Variants in ROR2 observed in about 807,000 individuals in gnomAD.
The protein encoded by ROR2 is ROR family WNT receptor 2, also known as tyrosine-protein kinase transmembrane receptor ROR2.
A neutral mutation model predicts 74.9 loss-of-function variants in ROR2; 33 were observed. The ratio of observed to expected loss-of-function variants is 0.44; its 90% CI spans 0.33 to 0.59. ROR2 has a LOEUF of 0.59. Ranked by LOEUF, ROR2 falls within the 20% of genes least tolerant of loss-of-function variation. ROR2 has a pLI of 0.02. For missense variants in ROR2, 1,216 were observed against 1,313.8 expected (o/e 0.93, Z 1.15); for synonymous variants, 586 against 558.7 (o/e 1.05, Z -0.69).
chr9:91,874,728 G>A (rs529606409), intron 1 of ROR2, among the ~76,000 whole-genome samples: 2 of 152,246 alleles, frequency 1.3e-5, no homozygotes, highest in South Asian at 2.1e-4. Flanking sequence ...CTGAGGTCCC[G>A]AGTTTGAGAC....
chr9:91,827,606 G>C (rs1008238982), intron 1 of ROR2, among the ~76,000 whole-genome samples: 2 of 152,148 alleles, frequency 1.3e-5, no homozygotes, highest in African/African-American at 4.8e-5. Context: ...CTGGGTCCAA[G>C]GAGCAGGGGG....
chr9:91,760,566 G>A (rs1416093584), intron 2 of ROR2, among the ~76,000 whole-genome samples: 14 of 151,586 alleles, frequency 9.2e-5, no homozygotes, highest in African/African-American at 1.7e-4. Context: ...CCCGGGAGGC[G>A]GAGCTTGCAG....
At chr9:91,753,305 A>G (rs2118825801) in intron 4 of ROR2, among the ~76,000 whole-genome samples, 1 of 152,364 alleles carries the variant, frequency 6.6e-6, no homozygotes, top group South Asian at 2.1e-4. Context: ...GTGGCAATTG[A>G]CAAAGAGGAG....
chr9:91,948,588 G>A, intron 1 of ROR2: 1 of 985,530 alleles, frequency 1.0e-6, no homozygotes, highest in Non-Finnish European at 1.2e-6. Flanking sequence ...AGACTGTGCA[G>A]CCTTTCTGAC....
chr9:91,945,254 CTT>C (rs1248738909), intron 1 of ROR2, among the ~76,000 whole-genome samples: 1 of 152,144 alleles, frequency 6.6e-6, no homozygotes, highest in Non-Finnish European at 1.5e-5. Context: ...TTAATTTTAA[CTT>C]ATATAGCTGT....
At chr9:91,943,477 T>C (rs1423069712) in intron 1 of ROR2, among the ~76,000 whole-genome samples, 1 of 152,180 alleles carries the variant, frequency 6.6e-6, no homozygotes, top group Non-Finnish European at 1.5e-5. Context: ...CCTTCCCCTA[T>C]TCCATCCTTA....
rs895837943 is a variant in ROR2, at chr9:91,723,391, A to T, written c.*271T>A. 1.4e-5 allele frequency: 7 copies of T among 488,204 alleles called. No homozygotes were observed. The highest frequency in any genetic ancestry group is 2.2e-5 in the Non-Finnish European group (6 of 274,500). 30.2% of individuals were successfully genotyped at this position (488,204 alleles called of 1,614,324 possible). ...TCACTACCAGTCTACCACCAGAATC[A>T]ATGTATACAGCCCTGGGGATGACCA... On this transcript the variant is annotated 3_prime_UTR_variant, in exon 9 of 9. Coordinates refer to ENST00000375708, the MANE Select transcript of ROR2 (RefSeq NM_004560.4).
intron 4 of ROR2, 115 bp downstream of exon 4, chr9:91,755,956 C>A (rs564652282): frequency 2.0e-4 from 225 of 1,142,094 alleles, no homozygotes; most frequent in Middle Eastern, 5.8e-4. Flanking sequence ...TGAAGCCCAG[C>A]CAACTTCTAG....
chr9:91,732,780 C>T (rs866071402), intron 6 of ROR2, among the ~76,000 whole-genome samples: 4 of 152,210 alleles, frequency 2.6e-5, no homozygotes, highest in African/African-American at 9.6e-5. Flanking sequence ...CTCTCATGCC[C>T]GCAACAGCCA....
intron 1 of ROR2, among the ~76,000 whole-genome samples, chr9:91,836,552 A>AC (rs1828617833): frequency 6.6e-6 from 1 of 151,876 alleles, no homozygotes; most frequent in African/African-American, 2.4e-5. Context: ...AAAAAAAAAA[A>AC]AACAGTCTGC....
Position 91,915,930 on chromosome 9 carries a change from C to CTTCA in ROR2, c.97+33933_97+33936dup, listed in dbSNP as rs1429008876. On this transcript the variant is annotated intron_variant, in intron 1 of 8. Transcript: ENST00000375708. ...TCACCCCGCCCAGAAATCCAGCTGGCTTCACCTCTCAAAATGAGGGGCAGG... is the reference window on the plus strand; with the variant it reads ...TCACCCCGCCCAGAAATCCAGCTGGCTTCATTCACCTCTCAAAATGAGGGGCAGG... Among the ~76,000 whole-genome samples, 7 of 152,334 alleles carry CTTCA rather than the reference C, an allele frequency of 4.6e-5. No individual in the cohort carries two copies. In the East Asian group the frequency reaches 1.3e-3, roughly 29 times the overall value.
At chr9:91,887,788 C>CTTTTTTTTTTTTTTTTTTTT (rs771557997) in intron 1 of ROR2, among the ~76,000 whole-genome samples, 1 of 100,686 alleles carries the variant, frequency 9.9e-6, no homozygotes, top group African/African-American at 4.1e-5. Context: ...CTTTTTTTCT[C>CTTTTTTTTTTTTTTTTTTTT]TTTTTTTTTT....
At chr9:91,939,106 CA>C (rs1831779170) in intron 1 of ROR2, among the ~76,000 whole-genome samples, 1 of 152,048 alleles carries the variant, frequency 6.6e-6, no homozygotes, top group East Asian at 1.9e-4. Flanking sequence ...AAAAATTAGC[CA>C]GGGGTGGTGG....
chr9:91,857,627 A>G (rs2119283336), intron 1 of ROR2, among the ~76,000 whole-genome samples: 1 of 152,230 alleles, frequency 6.6e-6, no homozygotes, highest in South Asian at 2.1e-4. Context: ...GCTAGGCAGG[A>G]CCCAGGACGA....
intron 2 of ROR2, 150 bp from the exon 3 acceptor site, chr9:91,757,709 A>G: frequency 1.2e-6 from 1 of 812,652 alleles, no homozygotes; most frequent in South Asian, 1.6e-5. Flanking sequence ...ATTATCTTCT[A>G]GAAAGCTACA....
At chr9:91,792,856 A>G (rs1277970381) in intron 1 of ROR2, among the ~76,000 whole-genome samples, 2 of 152,224 alleles carry the variant, frequency 1.3e-5, no homozygotes, top group African/African-American at 4.8e-5. Context: ...GAAAATCTAT[A>G]TAGATCTCTA....
At position 91,905,358 on chromosome 9, in the gene ROR2, C is replaced by T. The variant is rs965421148; in HGVS notation, c.97+44509G>A. 5.3e-5 allele frequency among the ~76,000 whole-genome samples: 8 copies of T among 151,204 alleles called. No homozygotes were observed. Among genetic ancestry groups the T allele is most frequent in the African/African-American group, 1.9e-4 (8 of 41,136 alleles). On this transcript the variant is annotated intron_variant, in intron 1 of 8. Coordinates refer to ENST00000375708, the MANE Select transcript of ROR2 (RefSeq NM_004560.4). The surrounding 1 kb of genome is among the most constrained non-coding windows in gnomAD (Gnocchi z 5.3). Reference sequence around the variant, plus strand: ...CAACACATACACAACCATCACACACCATACACACAAGACACACAACACATA... The same window carrying T: ...CAACACATACACAACCATCACACACTATACACACAAGACACACAACACATA...
intron 1 of ROR2, among the ~76,000 whole-genome samples, chr9:91,809,530 C>G (rs775339722): frequency 1.3e-5 from 2 of 152,256 alleles, no homozygotes; most frequent in African/African-American, 4.8e-5. Context: ...ACTGACCCCT[C>G]AGCCCCACAG....
chr9:91,896,499 A>G (rs1830541759), intron 1 of ROR2, among the ~76,000 whole-genome samples: 1 of 152,226 alleles, frequency 6.6e-6, no homozygotes. Flanking sequence ...CGCAGCCAAC[A>G]GAAGTGTGAA....
Sources: gnomAD v4.1 joint callset for allele counts (sites outside exome capture counted in the v4.1 genomes callset) on GRCh38, gnomAD v4.1.1 for gene constraint, Gnocchi (gnomAD v3.1) non-coding constraint, MANE v1.5 for transcripts, NCBI Gene and HGNC (gene_info 2026-07-23, HGNC 2026-07-21) for gene names.